Variants in NPTN observed in about 807,000 individuals in gnomAD.
The protein encoded by NPTN is SDR-1.
A neutral mutation model predicts 42.7 loss-of-function variants in NPTN; 5 were observed. The observed-to-expected ratio is 0.12, with a 90% confidence interval of 0.06 to 0.25. NPTN has a LOEUF of 0.25. Ranked by LOEUF, NPTN falls within the 10% of genes least tolerant of loss-of-function variation. The pLI is 1.00. For synonymous variants in NPTN, 180 were observed against 201.9 expected, an observed-to-expected ratio of 0.89 and a Z score of 0.92; for missense variants, 307 against 525.4, an observed-to-expected ratio of 0.58 and a Z score of 4.06.
In NPTN at chr15:73,594,177, C is replaced by T. The variant is rs183880860; in HGVS notation, c.440-2040G>A. Among the ~76,000 whole-genome samples the T allele has an allele frequency of 2.6e-5, 4 of 152,224 alleles. No homozygotes were observed. The East Asian group carries it at 7.7e-4, about 29-fold the overall frequency. ...TTATTATCCAATTTCATTTTCTGTC[C>T]CACTTGGGACTCTCGTTCTGGGTAT... On this transcript the variant is annotated intron_variant, in intron 2 of 8. Coordinates refer to ENST00000345330, the MANE Select transcript of NPTN (RefSeq NM_012428.4).
At chr15:73,574,433 C>A (rs994946395) in intron 4 of NPTN, among the ~76,000 whole-genome samples, 1 of 152,016 alleles carries the variant, frequency 6.6e-6, no homozygotes, top group African/African-American at 2.4e-5. Flanking sequence ...AATTGAATGA[C>A]TGATTGAGAT....
In NPTN at chr15:73,633,262, G is replaced by C. The variant is rs934677450; in HGVS notation, c.-47C>G. ...CAGCGAATGGGCCGGGGCCAGAGCC[G>C]GGGCCGGGGAAGGGAGGGGAGGGAG... On this transcript the variant is annotated 5_prime_UTR_variant, in exon 1 of 9. Coordinates refer to ENST00000345330, the MANE Select transcript of NPTN (RefSeq NM_012428.4). 4 of 1,368,102 alleles carry C rather than the reference G, an allele frequency of 2.9e-6. No individual in the cohort carries two copies. Among genetic ancestry groups the C allele is most frequent in the East Asian group, 2.8e-5 (1 of 35,980 alleles). 84.7% of individuals were successfully genotyped at this position (1,368,102 alleles called of 1,614,324 possible). A position where few individuals can be genotyped will look rare whatever the true frequency, so the allele number is the denominator to read the frequency against.
At chr15:73,614,334 T>A (rs1897752811) in intron 1 of NPTN, among the ~76,000 whole-genome samples, 1 of 151,802 alleles carries the variant, frequency 6.6e-6, no homozygotes, top group Non-Finnish European at 1.5e-5. Context: ...AAAAAATGCA[T>A]ATTTATAGAA....
At chr15:73,590,982 A>G (rs1244040925) in intron 3 of NPTN, among the ~76,000 whole-genome samples, 2 of 152,192 alleles carry the variant, frequency 1.3e-5, no homozygotes, top group Non-Finnish European at 2.9e-5. Context: ...TAGCAGGGAA[A>G]AGAAAAACAA....
chr15:73,614,596 T>C (rs989945764), intron 1 of NPTN, among the ~76,000 whole-genome samples: 2 of 152,230 alleles, frequency 1.3e-5, no homozygotes, highest in African/African-American at 2.4e-5. Context: ...AACCAGGATA[T>C]GTCTCTAATT....
At chr15:73,585,335 A>G (rs1896264844) in intron 4 of NPTN, among the ~76,000 whole-genome samples, 1 of 152,164 alleles carries the variant, frequency 6.6e-6, no homozygotes, top group African/African-American at 2.4e-5. Context: ...TAAAAAGATA[A>G]CTGTCTCTTA....
chr15:73,567,096 A>G (rs1895067038), intron 6 of NPTN: 1 of 981,350 alleles, frequency 1.0e-6, no homozygotes, highest in East Asian at 1.1e-4. Context: ...TTCTAGTGAA[A>G]CATACTTAAA....
chr15:73,610,013 C>T (rs1424283397), intron 1 of NPTN, among the ~76,000 whole-genome samples: 1 of 152,110 alleles, frequency 6.6e-6, no homozygotes, highest in African/African-American at 2.4e-5. Flanking sequence ...TCCTATCTAG[C>T]TTTAATTTTG....
chr15:73,580,664 C>CATGTTATATATGTATATATTTGTTAA (rs1566966146), intron 4 of NPTN, among the ~76,000 whole-genome samples: 4 of 146,608 alleles, frequency 2.7e-5, no homozygotes, highest in Non-Finnish European at 6.0e-5. Context: ...ATATTTGTTA[C>CATGTTATATATGTATATATTTGTTAA]CATGTATTAC....
chr15:73,624,626 A>G (rs1898304988), intron 1 of NPTN, among the ~76,000 whole-genome samples: 1 of 151,004 alleles, frequency 6.6e-6, no homozygotes, highest in Non-Finnish European at 1.5e-5. Context: ...TAATCCCACT[A>G]CTCTAGGATC....
chr15:73,572,691 C>T (rs189881503), intron 5 of NPTN, among the ~76,000 whole-genome samples: 4 of 152,212 alleles, frequency 2.6e-5, no homozygotes, highest in Admixed American at 1.3e-4. Context: ...TACCTTGTTT[C>T]CTACTAAAAA....
intron 6 of NPTN, among the ~76,000 whole-genome samples, chr15:73,566,295 A>G (rs978228615): frequency 6.6e-6 from 1 of 152,242 alleles, no homozygotes; most frequent in African/African-American, 2.4e-5. Context: ...ATTTTGGAAC[A>G]TTAGAACAGC....
chr15:73,631,692 T>C (rs1898752940), intron 1 of NPTN, among the ~76,000 whole-genome samples: 1 of 152,186 alleles, frequency 6.6e-6, no homozygotes, highest in African/African-American at 2.4e-5. Context: ...TTAGCAAAAA[T>C]AATTTATAGT....
intron 1 of NPTN, among the ~76,000 whole-genome samples, chr15:73,619,745 G>T (rs140840441): frequency 6.6e-6 from 1 of 151,996 alleles, no homozygotes; most frequent in Non-Finnish European, 1.5e-5. Flanking sequence ...AAATAAGAAG[G>T]GACTAATATC....
chr15:73,601,472 C>T (rs1049162390), intron 1 of NPTN, among the ~76,000 whole-genome samples: 6 of 152,242 alleles, frequency 3.9e-5, no homozygotes, highest in Non-Finnish European at 7.3e-5. Flanking sequence ...AGGAAAAGAA[C>T]TGGCTCTCAG....
At chr15:73,622,499 T>TAAAAAAA in intron 1 of NPTN, among the ~76,000 whole-genome samples, 1 of 123,664 alleles carries the variant, frequency 8.1e-6, no homozygotes, top group Non-Finnish European at 1.8e-5. Flanking sequence ...AGAATTGTTT[T>TAAAAAAA]AAAAAAAAAA....
At chr15:73,592,998 T>C (rs1323341981) in intron 2 of NPTN, among the ~76,000 whole-genome samples, 1 of 152,106 alleles carries the variant, frequency 6.6e-6, no homozygotes, top group African/African-American at 2.4e-5. Context: ...CTAGAAGACA[T>C]ATCTGACTGA....
At chr15:73,591,762 T>C in intron 3 of NPTN, 1 of 461,474 alleles carries the variant, frequency 2.2e-6, no homozygotes, top group African/African-American at 1.9e-5. Context: ...TCATCTATGA[T>C]TCTCCAATCT....
At chr15:73,630,009 T>C (rs1898649120) in intron 1 of NPTN, among the ~76,000 whole-genome samples, 1 of 152,154 alleles carries the variant, frequency 6.6e-6, no homozygotes, top group African/African-American at 2.4e-5. Flanking sequence ...ATGGCCTATT[T>C]ACCATGACAG....
Sources: allele counts gnomAD v4.1 joint callset (sites outside exome capture counted in the v4.1 genomes callset), GRCh38; gene constraint gnomAD v4.1.1; transcripts MANE v1.5; gene names NCBI Gene and HGNC (gene_info 2026-07-23, HGNC 2026-07-21).